RNH1: variants seen among roughly 807,000 people sequenced by gnomAD.
RNH1 encodes ribonuclease inhibitor.
A neutral mutation model predicts 46.1 loss-of-function variants in RNH1; 38 were observed. The observed-to-expected ratio is 0.82, with a 90% confidence interval of 0.64 to 1.08. The LOEUF (loss-of-function observed/expected upper bound fraction) is 1.08, where lower values mean the gene tolerates loss of function less well. RNH1 is among the 50% of genes least tolerant of loss of function. RNH1 has a pLI of 0.00. For synonymous variants in RNH1, 319 were observed against 279.1 expected (o/e 1.14, Z -1.43); for missense variants, 577 against 590.7 (o/e 0.98, Z 0.24).
Position 499,840 on chromosome 11 carries a change from C to T in RNH1, c.432G>A (p.Leu144=). ...CEGLLDPQCR[L]EKLQLEYCSL... The stretch of plus-strand genomic sequence containing the variant: ...GGACACAAACTCACTGCAGCTTTTC[C>T]AGGCGGCACTGGGGGTCCAGGAGTC... Residue 144 remains leucine, a synonymous_variant, in exon 5 of 11, where the codon CTG becomes CTA. Transcript: ENST00000354420. 6.2e-7 allele frequency: 1 copy of T among 1,608,000 alleles called. No individual in the cohort carries two copies. Among genetic ancestry groups the T allele is most frequent in the South Asian group, 1.1e-5 (1 of 90,356 alleles).
Position 501,709 on chromosome 11 carries a change from G to A in RNH1, c.101+353C>T, listed in dbSNP as rs1849765593. On this transcript the variant is annotated intron_variant, in intron 3 of 10. Transcript: ENST00000354420. The surrounding 1 kb of genome is among the most constrained non-coding windows in gnomAD (Gnocchi z 4.1). The stretch of plus-strand genomic sequence containing the variant: ...GACTCCCAGCCCCCAGCTTGGCAGG[G>A]ACAAGCAGCGCCCCATGGAGGCTCA... 1 of 263,060 alleles carries A rather than the reference G, an allele frequency of 3.8e-6. No individual in the cohort carries two copies. Among genetic ancestry groups the A allele is most frequent in the South Asian group, 7.8e-5 (1 of 12,820 alleles). 16.3% of individuals were successfully genotyped at this position (263,060 alleles called of 1,614,324 possible). A position where few individuals can be genotyped will look rare whatever the true frequency, so the allele number is the denominator to read the frequency against.
chr11:497,188 C>T (rs1024337167), intron 9 of RNH1, among the ~76,000 whole-genome samples: 16 of 145,920 alleles, frequency 1.1e-4, no homozygotes, highest in African/African-American at 3.1e-4. Flanking sequence ...CACGGACACT[C>T]GTGCTCACTC....
At chr11:497,642 C>A (rs1849273727) in intron 9 of RNH1, among the ~76,000 whole-genome samples, 1 of 142,708 alleles carries the variant, frequency 7.0e-6, no homozygotes, top group African/African-American at 2.7e-5. Context: ...CACACGGACA[C>A]TCGTGCTCTC....
At position 495,041 on chromosome 11, in the gene RNH1, G is replaced by A. The variant is rs753098870; in HGVS notation, c.1140C>T (p.Cys380=). ...SVLRVLWLAD[C]DVSDSSCSSL... ...TGCTGCAGCTGCTGTCACTCACATCGCAGTCGGCCAACCTGGGTGAAGCAG... is the reference window on the plus strand; with the variant it reads ...TGCTGCAGCTGCTGTCACTCACATCACAGTCGGCCAACCTGGGTGAAGCAG... The change falls in exon 10 of 11, where the codon TGC becomes TGT. Residue 380 remains cysteine, a synonymous_variant. Coordinates refer to ENST00000354420, the MANE Select transcript of RNH1 (RefSeq NM_203387.3). 2.6e-5 allele frequency: 41 copies of A among 1,604,468 alleles called. 1 individual carries two copies. Among genetic ancestry groups the A allele is most frequent in the Admixed American group, 2.2e-4 (13 of 58,630 alleles).
At position 498,352 on chromosome 11, in the gene RNH1, C is replaced by A; in HGVS notation, c.956+105G>T. The stretch of plus-strand genomic sequence containing the variant: ...GGCCTATGCATTCTGAAGGTCGGAG[C>A]TGAGCCCAGCAGCTTCCCTGGAGTC... On this transcript the variant is annotated intron_variant, in intron 8 of 10. Transcript: ENST00000354420. 3.4e-6 allele frequency: 5 copies of A among 1,467,150 alleles called. No individual in the cohort carries two copies. The South Asian group carries it at 6.3e-5, about 19-fold the overall frequency. 90.9% of individuals were successfully genotyped at this position (1,467,150 alleles called of 1,614,324 possible).
rs780921799 is a variant in RNH1, at chr11:498,521, C to A, written c.892G>T (p.Asp298Tyr). 3 of 1,613,320 alleles carry A rather than the reference C, an allele frequency of 1.9e-6. No individual in the cohort carries two copies. The highest frequency in any genetic ancestry group is 1.7e-6 in the Non-Finnish European group (2 of 1,180,014). Reference protein sequence around the residue: ...ELSLAGNELGDEGARLLCETL... With the variant: ...ELSLAGNELGYEGARLLCETL... ...TCACACAGCAGTCGGGCACCCTCATCCCCCAGCTCGTTGCCGGCCAGGCTG... is the reference window on the plus strand; with the variant it reads ...TCACACAGCAGTCGGGCACCCTCATACCCCAGCTCGTTGCCGGCCAGGCTG... The change falls in exon 8 of 11, where the codon GAT becomes TAT. Residue 298 changes from aspartate (D) to tyrosine (Y), a missense_variant. By Grantham distance (160) the Asp-to-Tyr change is radical (BLOSUM62 -3). Transcript: ENST00000354420.
At chr11:506,776 T>C (rs1436410668) in intron 1 of RNH1, 1 of 152,298 alleles carries the variant, frequency 6.6e-6, no homozygotes, top group East Asian at 1.9e-4. Context: ...TCTAAGGCAC[T>C]AGAGGGCTTG....
intron 5 of RNH1, chr11:499,610 G>C: frequency 1.4e-6 from 1 of 724,646 alleles, no homozygotes; most frequent in Non-Finnish European, 2.5e-6. Flanking sequence ...ACTGGATGGG[G>C]AGGGAGGGTG....
chr11:500,656 T>A lies in RNH1; in HGVS notation c.102-2A>T. On this transcript the variant is annotated splice_acceptor_variant, in intron 3 of 10. Transcript: ENST00000354420. LOFTEE classifies it high-confidence loss of function. ...TCCGTGAGGCCACAGTCGTCCAGCC[T>A]GTGAGCAGACCCCAGGGTCATGTGG... The A allele has an allele frequency of 3.7e-6, 6 of 1,603,904 alleles. No homozygotes were observed. The highest frequency in any genetic ancestry group is 5.1e-6 in the Non-Finnish European group (6 of 1,179,906).
intron 5 of RNH1, 117 bp downstream of exon 5, chr11:499,712 G>C (rs2133898302): frequency 1.6e-6 from 2 of 1,248,160 alleles, no homozygotes; most frequent in Non-Finnish European, 2.3e-6. Flanking sequence ...AGCACCACAA[G>C]GCCCCTGTGA....
Position 494,951 on chromosome 11 carries a change from C to T in RNH1, c.1230G>A (p.Leu410=). 1 of 1,607,846 alleles carries T rather than the reference C, an allele frequency of 6.2e-7. No homozygotes were observed. Among genetic ancestry groups the T allele is most frequent in the African/African-American group, 1.3e-5 (1 of 74,968 alleles). The stretch of plus-strand genomic sequence containing the variant: ...CCAGCTGCAGGATGCCGGCGTCCCC[C>T]AGGCAGTTGTTGCTGAGGTCCAGCT... ...LRELDLSNNC[L]GDAGILQLVE... is the part of the protein sequence containing the mutation. The change falls in exon 10 of 11, where the codon CTG becomes CTA. Residue 410 remains leucine (L), a synonymous_variant. Coordinates refer to ENST00000354420, the MANE Select transcript of RNH1 (RefSeq NM_203387.3).
chr11:498,810 C>T lies in RNH1; in HGVS notation c.738G>A (p.Glu246=), dbSNP rs773400253. 2.5e-6 allele frequency: 4 copies of T among 1,608,164 alleles called. No homozygotes were observed. The highest frequency in any genetic ancestry group is 2.5e-6 in the Non-Finnish European group (3 of 1,179,598). The part of the protein sequence containing the change: ...SNKLGDVGMA[E]LCPGLLHPSS... Reference sequence around the variant, plus strand: ...TGGGGTGGAGCAGCCCTGGGCACAGCTCCGCCATGCCCACATCACCCAGCT... The same window carrying T: ...TGGGGTGGAGCAGCCCTGGGCACAGTTCCGCCATGCCCACATCACCCAGCT... The change falls in exon 7 of 11, where the codon GAG becomes GAA. Residue 246 remains glutamate (E), a synonymous_variant. Transcript: ENST00000354420.
In RNH1 at chr11:499,943, C is replaced by T. The variant is rs1250874456; in HGVS notation, c.329G>A (p.Arg110His). Residue 110 changes from arginine (R) to histidine (H), a missense_variant, in exon 5 of 11, where the codon CGC becomes CAC. Transcript: ENST00000354420. ...CAGCTCCTGCAGGGTGGGCAGGGTGCGTAGTGTGCTGGACAGGACCCCGCA... is the reference window on the plus strand; with the variant it reads ...CAGCTCCTGCAGGGTGGGCAGGGTGTGTAGTGTGCTGGACAGGACCCCGCA... Reference protein sequence around the residue: ...AGCGVLSSTLRTLPTLQELHL... With the variant: ...AGCGVLSSTLHTLPTLQELHL... 8.7e-6 allele frequency: 14 copies of T among 1,610,530 alleles called. No individual in the cohort carries two copies. Among genetic ancestry groups the T allele is most frequent in the African/African-American group, 1.3e-5 (1 of 74,850 alleles).
intron 4 of RNH1, 150 bp downstream of exon 4, chr11:500,334 C>A (rs1013750615): frequency 3.8e-5 from 36 of 949,926 alleles, no homozygotes; most frequent in Non-Finnish European, 4.5e-5. Context: ...GACCGCCAGG[C>A]CTGTGTGCCT....
Position 502,177 on chromosome 11 carries a change from G to A in RNH1, c.-15C>T, listed in dbSNP as rs924623418. ...TCCAGGCTCATGGTGGAGGTGAAGA[G>A]TGGCCTGGGTGGGAGGCAGAGGGAA... On this transcript the variant is annotated 5_prime_UTR_variant, in exon 3 of 11. Transcript: ENST00000354420. This position sits in a 1 kb window ranked among gnomAD's most constrained non-coding sequence, Gnocchi z 5.8. 6.3e-7 allele frequency: 1 copy of A among 1,592,792 alleles called. No homozygotes were observed. Among genetic ancestry groups the A allele is most frequent in the Non-Finnish European group, 8.6e-7 (1 of 1,165,642 alleles).
chr11:495,735 T>C lies in RNH1; in HGVS notation c.1128-682A>G, dbSNP rs370269488. On this transcript the variant is annotated intron_variant, in intron 9 of 10. Coordinates refer to ENST00000354420, the MANE Select transcript of RNH1 (RefSeq NM_203387.3). ...ACCCACAAGGTCCTGGCAGCCAGGA[T>C]GGTGTCCCCTGGCAGGGAACTGAAA... Among the ~76,000 whole-genome samples, 31 of 152,204 alleles carry C rather than the reference T, an allele frequency of 2.0e-4. No homozygotes were observed. In the South Asian group the frequency reaches 6.4e-3, roughly 32 times the overall value.
chr11:502,099 C>T lies in RNH1; in HGVS notation c.64G>A (p.Glu22Lys), dbSNP rs557604333. The change falls in exon 3 of 11, where the codon GAG becomes AAG. Residue 22 changes from glutamate to lysine, a missense_variant. By Grantham distance (56) the Glu-to-Lys change is moderately conservative. Transcript: ENST00000354420. The surrounding 1 kb of genome is among the most constrained non-coding windows in gnomAD (Gnocchi z 5.8). ...CACTGCTGGAGCAGAGGGAGGAGCT[C>T]GGCCCATCTAGCGTCGCTCAGCTCC... ...CEELSDARWA[E>K]LLPLLQQCQV... 5 of 1,612,260 alleles carry T rather than the reference C, an allele frequency of 3.1e-6. No homozygotes were observed. Among genetic ancestry groups the T allele is most frequent in the South Asian group, 1.1e-5 (1 of 90,732 alleles).
chr11:500,434 T>A (rs758661407), intron 4 of RNH1, 50 bp downstream of exon 4: 1 of 1,570,066 alleles, frequency 6.4e-7, no homozygotes, highest in African/African-American at 1.3e-5. Flanking sequence ...GCTGCCGGGC[T>A]ACCAAAGCAG....
At position 494,614 on chromosome 11, in the gene RNH1, A is replaced by C; in HGVS notation, c.*77T>G. On this transcript the variant is annotated 3_prime_UTR_variant, in exon 11 of 11. Transcript: ENST00000354420. ...CTTCAAACCTAGGATATGCAGGGTG[A>C]GAGCATGGCAGGGGCTGGTGGGCCC... 1.6e-6 allele frequency: 2 copies of C among 1,232,702 alleles called. No homozygotes were observed. Among genetic ancestry groups the C allele is most frequent in the Non-Finnish European group, 2.4e-6 (2 of 843,844 alleles). The allele number at this position is 1,232,702 out of a possible 1,614,324, so 76.4% of individuals were successfully genotyped here.
Sources: allele counts gnomAD v4.1 joint callset (sites outside exome capture counted in the v4.1 genomes callset), GRCh38; gene constraint gnomAD v4.1.1; non-coding constraint Gnocchi (gnomAD v3.1); transcripts MANE v1.5; gene names NCBI Gene and HGNC (gene_info 2026-07-23, HGNC 2026-07-21).